Variants in IGDCC3 observed in about 807,000 individuals in gnomAD.
IGDCC3 encodes putative neuronal cell adhesion molecule.
IGDCC3 carries 47 observed loss-of-function variants against 72.0 expected under a neutral mutation model. The observed-to-expected ratio is 0.65, with a 90% CI of 0.52 to 0.83. The LOEUF is 0.83. Among genes scored for constraint, IGDCC3 ranks in the 40% least tolerant of loss-of-function variants. IGDCC3 has a pLI of 0.00. For missense variants in IGDCC3, 1,038 were observed against 1,091.3 expected (o/e 0.95, Z 0.69); for synonymous variants, 477 against 472.8 (o/e 1.01, Z -0.11).
rs1567058358 is a variant in IGDCC3 at position 65,328,294 on chromosome 15, G to GGTTTT, written c.*614_*615insAAAAC. On this transcript the variant is annotated 3_prime_UTR_variant, in exon 14 of 14. Coordinates refer to ENST00000327987, the MANE Select transcript of IGDCC3 (RefSeq NM_004884.4). ...CTTTCACACCTGGAAACGGGGAAGT[G>GGTTTT]CTTTTTTTTTTTTTTTTTTTTTTAC... 1.2e-5 allele frequency: 1 copy of GGTTTT among 86,698 alleles called. No homozygotes were observed. The highest frequency in any genetic ancestry group is 4.0e-5 in the African/African-American group (1 of 25,122). The allele number at this position is 86,698 out of a possible 1,614,324, so 5.4% of individuals were successfully genotyped here. A position where few individuals can be genotyped will look rare whatever the true frequency, so the allele number is the denominator to read the frequency against.
rs899720098 is a variant in IGDCC3, at chr15:65,331,374, G to T, written c.1396+38C>A. The stretch of plus-strand genomic sequence containing the variant: ...AGGATTGGAAGGAATAAGAAATAGT[G>T]AATTAGAGGAAGGGGCAACAGAGCT... On this transcript the variant is annotated intron_variant, in intron 8 of 13. Transcript: ENST00000327987. 4.4e-6 allele frequency: 7 copies of T among 1,576,776 alleles called. No individual in the cohort carries two copies. The Admixed American group carries it at 1.0e-4, about 23-fold the overall frequency.
At chr15:65,366,116 G>GTGGATCGCTTGAGGAT (rs2091287012) in intron 2 of IGDCC3, among the ~76,000 whole-genome samples, 1 of 151,336 alleles carries the variant, frequency 6.6e-6, no homozygotes, top group African/African-American at 2.4e-5. Flanking sequence ...GCTGAGGCAG[G>GTGGATCGCTTGAGGAT]AGACTCATTT....
At chr15:65,359,743 G>A (rs2091248803) in intron 2 of IGDCC3, among the ~76,000 whole-genome samples, 1 of 152,206 alleles carries the variant, frequency 6.6e-6, no homozygotes. Context: ...TAGATGCAGA[G>A]AAATGGATGA....
intron 2 of IGDCC3, among the ~76,000 whole-genome samples, chr15:65,345,106 C>T (rs961535876): frequency 6.6e-6 from 1 of 152,186 alleles, no homozygotes; most frequent in Non-Finnish European, 1.5e-5. Context: ...GTCCTATTTA[C>T]ACAGCAGACC....
chr15:65,362,250 C>T (rs1418389168), intron 2 of IGDCC3, among the ~76,000 whole-genome samples: 1 of 152,106 alleles, frequency 6.6e-6, no homozygotes, highest in Non-Finnish European at 1.5e-5. Context: ...ACACCACATT[C>T]CACCTAGGAG....
intron 6 of IGDCC3, among the ~76,000 whole-genome samples, chr15:65,332,774 C>A (rs1182598428): frequency 6.6e-6 from 1 of 152,244 alleles, no homozygotes; most frequent in Non-Finnish European, 1.5e-5. Context: ...ATGGAAGGAC[C>A]AGGTTAGCGG....
At chr15:65,340,331 G>A (rs2091069435) in intron 2 of IGDCC3, among the ~76,000 whole-genome samples, 1 of 152,150 alleles carries the variant, frequency 6.6e-6, no homozygotes, top group African/African-American at 2.4e-5. Context: ...TGGGAAGGAA[G>A]CTCAGGCCCC....
chr15:65,345,310 T>C (rs1272208270), intron 2 of IGDCC3, among the ~76,000 whole-genome samples: 3 of 151,814 alleles, frequency 2.0e-5, no homozygotes, highest in African/African-American at 7.3e-5. Context: ...CCCCAGAACT[T>C]TGGGAGGCTG....
rs991433556 is a variant in IGDCC3, at chr15:65,339,216, G to C, written c.410-3260C>G. The stretch of plus-strand genomic sequence containing the variant: ...CCTGCCTCAGCCTCCCGAGTAGCTG[G>C]TACTACAGATGCACGCCACCATGCC... On this transcript the variant is annotated intron_variant, in intron 2 of 13. Transcript: ENST00000327987. The surrounding 1 kb of genome is among the most constrained non-coding windows in gnomAD (Gnocchi z 4.1). Among the ~76,000 whole-genome samples, 16 of 152,208 alleles carry C rather than the reference G, an allele frequency of 1.1e-4. No individual in the cohort carries two copies. The highest frequency in any genetic ancestry group is 3.9e-4 in the African/African-American group (16 of 41,448).
Position 65,329,776 on chromosome 15 carries a change from G to T in IGDCC3, c.1947C>A (p.Val649=), listed in dbSNP as rs746707893. The T allele has an allele frequency of 2.5e-6, 4 of 1,614,048 alleles. No homozygotes were observed. Among genetic ancestry groups the T allele is most frequent in the South Asian group, 2.2e-5 (2 of 91,092 alleles). The part of the protein sequence containing the change: ...TGIVIGIHIG[V]TCIIFCVLFL... ...AGAGGACACAGAAGATGATGCAAGT[G>T]ACCCCGATGTGGATGCCGATGACGA... is the stretch of plus-strand genomic sequence containing the variant. Residue 649 remains valine, a synonymous_variant, in exon 12 of 14, where the codon GTC becomes GTA. Transcript: ENST00000327987. The surrounding 1 kb of genome is among the most constrained non-coding windows in gnomAD (Gnocchi z 4.1).
intron 2 of IGDCC3, 141 bp from the exon 3 acceptor site, chr15:65,336,097 T>G: frequency 1.3e-6 from 1 of 793,632 alleles, no homozygotes; most frequent in East Asian, 2.7e-5. Flanking sequence ...GGGCAATAGC[T>G]TGGGGGACCC....
intron 2 of IGDCC3, among the ~76,000 whole-genome samples, chr15:65,363,482 A>C (rs1425523617): frequency 6.6e-6 from 1 of 152,012 alleles, no homozygotes; most frequent in Non-Finnish European, 1.5e-5. Context: ...CACTCCAGAG[A>C]CCCAATGCTT....
At position 65,339,292 on chromosome 15, in the gene IGDCC3, G is replaced by A. The variant is rs1359032989; in HGVS notation, c.410-3336C>T. On this transcript the variant is annotated intron_variant, in intron 2 of 13. Coordinates refer to ENST00000327987, the MANE Select transcript of IGDCC3 (RefSeq NM_004884.4). The surrounding 1 kb of genome is among the most constrained non-coding windows in gnomAD (Gnocchi z 4.1). The stretch of plus-strand genomic sequence containing the variant: ...AGATGGGCTTTCACCATGTTAGTCA[G>A]GCTGGTCTCAAACTCCTGACCTCGT... Among the ~76,000 whole-genome samples the A allele has an allele frequency of 2.0e-5, 3 of 152,188 alleles. No individual in the cohort carries two copies. The highest frequency in any genetic ancestry group is 7.2e-5 in the African/African-American group (3 of 41,442).
At chr15:65,337,941 A>G (rs2091045727) in intron 2 of IGDCC3, among the ~76,000 whole-genome samples, 1 of 152,164 alleles carries the variant, frequency 6.6e-6, no homozygotes, top group Non-Finnish European at 1.5e-5. Context: ...TTGTGCTTCT[A>G]GCCCCATCCT....
intron 2 of IGDCC3, among the ~76,000 whole-genome samples, chr15:65,337,885 T>C (rs1042254952): frequency 5.3e-4 from 80 of 152,380 alleles, no homozygotes; most frequent in African/African-American, 1.7e-3. Flanking sequence ...TGGGGACTAA[T>C]GGCTCTGCTG....
At chr15:65,351,312 A>T (rs1029719315) in intron 2 of IGDCC3, among the ~76,000 whole-genome samples, 1 of 152,190 alleles carries the variant, frequency 6.6e-6, no homozygotes, top group Non-Finnish European at 1.5e-5. Context: ...CAAGGTGGGC[A>T]GATCACAAGG....
intron 2 of IGDCC3, among the ~76,000 whole-genome samples, chr15:65,370,620 G>GTA (rs71136346): frequency 0.029 from 2,782 of 94,448 alleles, 62 homozygotes; most frequent in African/African-American, 0.069. Flanking sequence ...ATATGTATGT[G>GTA]TATATATATA....
chr15:65,334,805 A>G lies in IGDCC3; in HGVS notation c.746T>C (p.Leu249Pro). Residue 249 changes from leucine (L) to proline (P), a missense_variant, in exon 5 of 14, where the codon CTG becomes CCG. Leu to Pro is a moderately conservative substitution (Grantham distance 98). Transcript: ENST00000327987. Reference protein sequence around the residue: ...AILVGPENLTLTVHQTAVLEC... With the variant: ...AILVGPENLTPTVHQTAVLEC... ...AAGCACCGCGGTCTGGTGCACTGTC[A>G]GGGTGAGGTTCTCAGGCCCCACGAG... The G allele has an allele frequency of 6.2e-7, 1 of 1,612,834 alleles. No individual in the cohort carries two copies. Among genetic ancestry groups the G allele is most frequent in the Admixed American group, 1.7e-5 (1 of 59,866 alleles).
intron 3 of IGDCC3, 135 bp from the exon 4 acceptor site, chr15:65,335,556 C>T (rs1301036653): frequency 5.0e-6 from 5 of 995,860 alleles, no homozygotes; most frequent in Non-Finnish European, 7.6e-6. Flanking sequence ...CACACTGGGA[C>T]TTTCAAAGGT....
Sources: allele counts gnomAD v4.1 joint callset (sites outside exome capture counted in the v4.1 genomes callset), GRCh38; gene constraint gnomAD v4.1.1; non-coding constraint Gnocchi (gnomAD v3.1); transcripts MANE v1.5; gene names NCBI Gene and HGNC (gene_info 2026-07-23, HGNC 2026-07-21).